DDAH1: variants seen among roughly 807,000 people sequenced by gnomAD.
DDAH1 encodes the protein N(G),N(G)-dimethylarginine dimethylaminohydrolase 1.
DDAH1 carries 19 observed loss-of-function variants against 28.8 expected under a neutral mutation model. That is an observed-to-expected ratio of 0.66 (90% CI 0.46 to 0.97). DDAH1 has a LOEUF of 0.97. DDAH1 is among the 50% of genes least tolerant of loss of function. DDAH1 has a pLI of 0.00. For synonymous variants in DDAH1, 153 were observed against 154.4 expected, an observed-to-expected ratio of 0.99 and a Z score of 0.07; for missense variants, 326 against 375.9, an observed-to-expected ratio of 0.87 and a Z score of 1.10.
chr1:85,495,825 C>T (rs1236078877), intron 2 of DDAH1: 1 of 152,224 alleles, frequency 6.6e-6, no homozygotes, highest in Non-Finnish European at 1.5e-5. Context: ...ACCAAGGAGA[C>T]ATGCTGAAAC....
At chr1:85,546,161 A>C (rs1357157638) in intron 1 of DDAH1, among the ~76,000 whole-genome samples, 1 of 151,464 alleles carries the variant, frequency 6.6e-6, no homozygotes, top group Non-Finnish European at 1.5e-5. Context: ...TTGGAAACTT[A>C]ATTGCCATTG....
At chr1:85,368,457 C>T (rs952463897) in intron 1 of DDAH1, among the ~76,000 whole-genome samples, 18 of 152,090 alleles carry the variant, frequency 1.2e-4, no homozygotes, top group Non-Finnish European at 2.4e-4. Flanking sequence ...GACAGTTTCC[C>T]GGAAGAAGGC....
chr1:85,368,290 A>G (rs1557533475), intron 1 of DDAH1, among the ~76,000 whole-genome samples: 2 of 152,208 alleles, frequency 1.3e-5, no homozygotes, highest in Admixed American at 1.3e-4. Context: ...TATAGCATCT[A>G]GGAAGATTAG....
chr1:85,353,709 TTATTTA>T (rs574592292), intron 2 of DDAH1, among the ~76,000 whole-genome samples: 29 of 152,128 alleles, frequency 1.9e-4, no homozygotes, highest in Non-Finnish European at 3.4e-4. Flanking sequence ...ATAAATTAAT[TTATTTA>T]TAACTTTTAA....
chr1:85,324,307 A>T (rs1002684270), intron 5 of DDAH1, among the ~76,000 whole-genome samples: 11 of 149,770 alleles, frequency 7.3e-5, no homozygotes, highest in East Asian at 1.9e-4. Flanking sequence ...AATAAATAAA[A>T]AAATAAAAAG....
At chr1:85,349,668 G>C (rs1649079510) in intron 4 of DDAH1, among the ~76,000 whole-genome samples, 1 of 152,080 alleles carries the variant, frequency 6.6e-6, no homozygotes, top group South Asian at 2.1e-4. Flanking sequence ...ATTTATGAAG[G>C]GCCCACTGTG....
chr1:85,379,594 GAGTC>G (rs1455072258), intron 1 of DDAH1: 1 of 985,182 alleles, frequency 1.0e-6, no homozygotes, highest in Non-Finnish European at 1.2e-6. Context: ...ACTTGTGAAA[GAGTC>G]AGCCTGCAGA....
chr1:85,374,103 C>A (rs1005094762), intron 1 of DDAH1, among the ~76,000 whole-genome samples: 1 of 152,126 alleles, frequency 6.6e-6, no homozygotes, highest in Non-Finnish European at 1.5e-5. Flanking sequence ...CAAATACTAA[C>A]GTGACTCTAG....
intron 4 of DDAH1, among the ~76,000 whole-genome samples, chr1:85,326,369 A>T (rs1647396662): frequency 1.3e-5 from 2 of 152,232 alleles, no homozygotes; most frequent in Non-Finnish European, 2.9e-5. Flanking sequence ...TGACAGAAAA[A>T]TAGATAATTA....
chr1:85,557,643 C>A (rs1310457928), intron 1 of DDAH1, among the ~76,000 whole-genome samples: 1 of 152,124 alleles, frequency 6.6e-6, no homozygotes, highest in African/African-American at 2.4e-5. Context: ...GTCTCCCCGA[C>A]CCCAAATTCA....
intron 1 of DDAH1, chr1:85,398,897 G>C (rs1651936800): frequency 6.6e-6 from 1 of 152,180 alleles, no homozygotes; most frequent in Non-Finnish European, 1.5e-5. Context: ...AGTCCACCTA[G>C]TGGGTAACTT....
At chr1:85,466,181 C>G (rs999533404), upstream of DDAH1, among the ~76,000 whole-genome samples, 2 of 152,262 alleles carry the variant, frequency 1.3e-5, no homozygotes, top group African/African-American at 4.8e-5. Flanking sequence ...TCCCCTCCCA[C>G]AAGGGTGGTG....
intron 1 of DDAH1, among the ~76,000 whole-genome samples, chr1:85,433,374 A>G (rs563409492): frequency 2.0e-5 from 3 of 152,120 alleles, no homozygotes; most frequent in Non-Finnish European, 4.4e-5. Flanking sequence ...ACCTCTCTTC[A>G]GTGATTTCTG....
intron 1 of DDAH1, among the ~76,000 whole-genome samples, chr1:85,524,438 T>C (rs1657792803): frequency 6.6e-6 from 1 of 150,932 alleles, no homozygotes; most frequent in African/African-American, 2.4e-5. Flanking sequence ...ATAGGCCCAA[T>C]GGCTTTCTCT....
chr1:85,389,958 C>G (rs1651465236), intron 1 of DDAH1, among the ~76,000 whole-genome samples: 1 of 152,192 alleles, frequency 6.6e-6, no homozygotes, highest in Non-Finnish European at 1.5e-5. Flanking sequence ...GTTGACGATT[C>G]TAGAAGACCT....
intron 4 of DDAH1, among the ~76,000 whole-genome samples, chr1:85,340,591 T>C (rs1407803999): frequency 6.6e-6 from 1 of 152,168 alleles, no homozygotes; most frequent in Non-Finnish European, 1.5e-5. Flanking sequence ...CTTTCCACTT[T>C]CACAGCTACT....
chr1:85,443,687 C>T (rs868742131), intron 1 of DDAH1, among the ~76,000 whole-genome samples: 3 of 151,160 alleles, frequency 2.0e-5, no homozygotes, highest in Admixed American at 6.6e-5. Flanking sequence ...TTTGTTTATT[C>T]GTTGAGCAGT....
At chr1:85,523,095 C>T (rs568498623) in intron 1 of DDAH1, among the ~76,000 whole-genome samples, 1 of 151,516 alleles carries the variant, frequency 6.6e-6, no homozygotes, top group African/African-American at 2.4e-5. Context: ...CAACACCTGT[C>T]TGAGATGGTC....
Position 85,464,710 on chromosome 1 carries a change from CG to C in DDAH1, c.303+32del, listed in dbSNP as rs1320378651. On this transcript the variant is annotated intron_variant, in intron 1 of 5. Coordinates refer to ENST00000284031, the MANE Select transcript of DDAH1 (RefSeq NM_012137.4). This position sits in a 1 kb window ranked among gnomAD's most constrained non-coding sequence, Gnocchi z 4.4. ...CGGCGGCGGGGGAGGGCCTGGCGCG[CG>C]CCCCGGCCGCGCCCCTCGAGTCGGC... 2 of 1,438,176 alleles carry C rather than the reference CG, an allele frequency of 1.4e-6. No homozygotes were observed. The highest frequency in any genetic ancestry group is 2.7e-5 in the East Asian group (1 of 37,708). 89.1% of individuals were successfully genotyped at this position (1,438,176 alleles called of 1,614,324 possible).
Sources: gnomAD v4.1 joint callset for allele counts (sites outside exome capture counted in the v4.1 genomes callset) on GRCh38, gnomAD v4.1.1 for gene constraint, Gnocchi (gnomAD v3.1) non-coding constraint, MANE v1.5 for transcripts, NCBI Gene and HGNC (gene_info 2026-07-23, HGNC 2026-07-21) for gene names.